Variants in A3GALT2 observed in about 807,000 individuals in gnomAD.
A3GALT2 encodes alpha 1,3-galactosyltransferase 2.
A3GALT2 carries 14 observed loss-of-function variants against 16.6 expected under a neutral mutation model. The ratio of observed to expected loss-of-function variants is 0.84; its 90% CI spans 0.56 to 1.32. The LOEUF (loss-of-function observed/expected upper bound fraction) is 1.32, where lower values mean the gene tolerates loss of function less well. A3GALT2 is among the 40% of genes most tolerant of loss of function. The pLI is 0.00. For synonymous variants in A3GALT2, 253 were observed against 218.0 expected, an observed-to-expected ratio of 1.16 and a Z score of -1.42; for missense variants, 600 against 490.9, an observed-to-expected ratio of 1.22 and a Z score of -2.10.
intron 4 of A3GALT2, among the ~76,000 whole-genome samples, chr1:33,309,443 G>A (rs2148157565): frequency 6.6e-6 from 1 of 150,992 alleles, no homozygotes; most frequent in African/African-American, 2.4e-5. Flanking sequence ...GGCGGGGGCT[G>A]TCCCCCACGT....
rs931293068 is a variant in A3GALT2 at position 33,320,523 on chromosome 1, C to G, written c.23+553G>C. On this transcript the variant is annotated intron_variant, in intron 1 of 4. Coordinates refer to ENST00000442999, the MANE Select transcript of A3GALT2 (RefSeq NM_001080438.1). The surrounding 1 kb of genome is among the most constrained non-coding windows in gnomAD (Gnocchi z 4.3). The stretch of plus-strand genomic sequence containing the variant: ...CCTCCTATGCCCCAGCCTGGGAGCC[C>G]GTGGTCTGTGGAGGCCCCTGATCAG... Among the ~76,000 whole-genome samples, 2 of 152,110 alleles carry G rather than the reference C, an allele frequency of 1.3e-5. No homozygotes were observed. The highest frequency in any genetic ancestry group is 1.3e-4 in the Admixed American group (2 of 15,128).
chr1:33,309,802 C>T (rs1415954915), intron 4 of A3GALT2, among the ~76,000 whole-genome samples: 20 of 150,960 alleles, frequency 1.3e-4, no homozygotes, highest in African/African-American at 1.2e-4. Context: ...CGGGAAGAGG[C>T]GCTCCTCACT....
rs760563986 is a variant in A3GALT2, at chr1:33,307,441, C to G, written c.348G>C (p.Lys116Asn). Reference protein sequence around the residue: ...TIFAVGRYLEKYLERFLETAE... With the variant: ...TIFAVGRYLENYLERFLETAE... ...CCGTCTCCAGGAAGCGCTCCAGGTACTTCTCCAGGTATCTAAGGGCGCGGC... is the reference window on the plus strand; with the variant it reads ...CCGTCTCCAGGAAGCGCTCCAGGTAGTTCTCCAGGTATCTAAGGGCGCGGC... Residue 116 changes from lysine (K) to asparagine (N), a missense_variant, in exon 5 of 5, where the codon AAG (lysine) becomes AAC (asparagine). Physicochemically the swap from Lys to Asn is moderately conservative, Grantham distance 94 (BLOSUM62 0). Transcript: ENST00000442999. 1 of 1,517,670 alleles carries G rather than the reference C, an allele frequency of 6.6e-7. No homozygotes were observed. The highest frequency in any genetic ancestry group is 1.5e-5 in the African/African-American group (1 of 68,812). 94.0% of individuals were successfully genotyped at this position (1,517,670 alleles called of 1,614,324 possible). A position where few individuals can be genotyped will look rare whatever the true frequency, so the allele number is the denominator to read the frequency against.
chr1:33,306,831 G>A lies in A3GALT2; in HGVS notation c.958C>T (p.Arg320Trp), dbSNP rs780979870. 5 of 1,495,006 alleles carry A rather than the reference G, an allele frequency of 3.3e-6. No homozygotes were observed. The highest frequency in any genetic ancestry group is 2.8e-5 in the East Asian group (1 of 35,372). The allele number at this position is 1,495,006 out of a possible 1,614,324, so 92.6% of individuals were successfully genotyped here. A position where few individuals can be genotyped will look rare whatever the true frequency, so the allele number is the denominator to read the frequency against. The change falls in exon 5 of 5, where the codon CGG becomes TGG. Residue 320 changes from arginine (R) to tryptophan (W), a missense_variant. By Grantham distance (101) the Arg-to-Trp change is moderately radical (BLOSUM62 -3). Transcript: ENST00000442999. ...EFCWSPDIGP[R>W]AEIRRPRLLW... ...AGTCGCGGGCGGCGGATCTCGGCCC[G>A]CGGGCCGATGTCCGGGCTCCAGCAG...
intron 4 of A3GALT2, among the ~76,000 whole-genome samples, chr1:33,310,617 A>G (rs1387074451): frequency 6.6e-6 from 1 of 152,180 alleles, no homozygotes; most frequent in Admixed American, 6.5e-5. Flanking sequence ...ACCATTGGTA[A>G]GTGGTTGAGC....
At chr1:33,307,517 A>G (rs1192321275) in intron 4 of A3GALT2, 64 bp from the exon 5 acceptor site, 1 of 1,222,458 alleles carries the variant, frequency 8.2e-7, no homozygotes, top group African/African-American at 2.1e-5. Context: ...TCCCCACCTC[A>G]TCTCACCTCT....
intron 2 of A3GALT2, 98 bp from the exon 3 acceptor site, chr1:33,312,688 C>T (rs1005429723): frequency 1.4e-6 from 2 of 1,441,378 alleles, no homozygotes; most frequent in African/African-American, 2.8e-5. Context: ...AGAGAGAGCT[C>T]ACAAGGACAC....
intron 1 of A3GALT2, chr1:33,313,947 C>T (rs1041394368): frequency 7.9e-5 from 12 of 152,154 alleles, no homozygotes; most frequent in African/African-American, 2.9e-4. Flanking sequence ...CTAGTGATGA[C>T]CATTCTTCCT....
rs767147389 is a variant in A3GALT2, at chr1:33,312,119, C to G, written c.268G>C (p.Asp90His). 4.3e-6 allele frequency: 7 copies of G among 1,613,694 alleles called. No individual in the cohort carries two copies. Among genetic ancestry groups the G allele is most frequent in the Non-Finnish European group, 5.9e-6 (7 of 1,179,830 alleles). ...PIIWDGSFDP[D>H]VAKQEARQQN... ...TGTCTAGCCTCTTGCTTGGCCACAT[C>G]TGGGTCGAAAGAGCCATCCCAAATA... Residue 90 changes from aspartate to histidine, a missense_variant, in exon 4 of 5, where the codon GAT (aspartate) becomes CAT (histidine). Asp to His is a moderately conservative substitution (Grantham distance 81). Coordinates refer to ENST00000442999, the MANE Select transcript of A3GALT2 (RefSeq NM_001080438.1).
intron 4 of A3GALT2, among the ~76,000 whole-genome samples, chr1:33,310,060 G>A (rs1034757112): frequency 7.9e-5 from 12 of 152,276 alleles, no homozygotes; most frequent in Non-Finnish European, 1.8e-4. Flanking sequence ...CCGGCACCTC[G>A]GGAGGCCGAG....
rs1224628503 is a variant in A3GALT2 at position 33,320,744 on chromosome 1, G to A, written c.23+332C>T. Among the ~76,000 whole-genome samples the A allele has an allele frequency of 1.3e-5, 2 of 152,010 alleles. No homozygotes were observed. The highest frequency in any genetic ancestry group is 2.4e-5 in the African/African-American group (1 of 41,446). On this transcript the variant is annotated intron_variant, in intron 1 of 4. Transcript: ENST00000442999. The surrounding 1 kb of genome is among the most constrained non-coding windows in gnomAD (Gnocchi z 4.3). ...ATAGAGGGAGCTCTCAGTTACAGTC[G>A]GGGAGGGAATGTACCCCCGGGTCTC...
At chr1:33,319,991 C>T (rs868035987) in intron 1 of A3GALT2, among the ~76,000 whole-genome samples, 19 of 151,994 alleles carry the variant, frequency 1.3e-4, no homozygotes, top group African/African-American at 4.1e-4. Context: ...TAGGACTGCC[C>T]GATCCCCCAG....
chr1:33,315,148 G>T (rs1358482539), intron 1 of A3GALT2, among the ~76,000 whole-genome samples: 1 of 152,164 alleles, frequency 6.6e-6, no homozygotes, highest in Non-Finnish European at 1.5e-5. Context: ...ACTTTGGGAG[G>T]CCGAGCGGGT....
chr1:33,309,234 G>C (rs1293823828), intron 4 of A3GALT2, among the ~76,000 whole-genome samples: 4 of 152,078 alleles, frequency 2.6e-5, no homozygotes, highest in African/African-American at 9.7e-5. Flanking sequence ...TTTTCTATTC[G>C]ACAAAACCAC....
Position 33,312,624 on chromosome 1 carries a change from C to G in A3GALT2, c.108-34G>C, listed in dbSNP as rs75640182. On this transcript the variant is annotated intron_variant, in intron 2 of 4. Transcript: ENST00000442999. ...GGTTGAGGGGCGGGGGGCAGGCAGC[C>G]GTGAGAAGCATGTCAGCCTGGCCAG... 2.3e-3 allele frequency: 3,591 copies of G among 1,535,118 alleles called. 131 individuals are homozygous for G. In the East Asian group the frequency reaches 0.066, roughly 28 times the overall value.
In A3GALT2 at chr1:33,307,054, C is replaced by A. The variant is rs1218605405; in HGVS notation, c.735G>T (p.Ala245=). Residue 245 remains alanine, a synonymous_variant, in exon 5 of 5, where the codon GCG becomes GCT. Transcript: ENST00000442999. ...GGTTATAGAAGTCGCCCTGGCCCCACGCCATCGCGGCGGCCGAATGCGCGT... is the reference window on the plus strand; with the variant it reads ...GGTTATAGAAGTCGCCCTGGCCCCAAGCCATCGCGGCGGCCGAATGCGCGT... ...ERDAHSAAAM[A]WGQGDFYNHA... The A allele has an allele frequency of 3.3e-6, 5 of 1,512,550 alleles. No individual in the cohort carries two copies. Among genetic ancestry groups the A allele is most frequent in the Non-Finnish European group, 2.6e-6 (3 of 1,133,788 alleles). The allele number at this position is 1,512,550 out of a possible 1,614,324, so 93.7% of individuals were successfully genotyped here.
At chr1:33,311,592 A>G (rs1356999717) in intron 4 of A3GALT2, among the ~76,000 whole-genome samples, 1 of 151,914 alleles carries the variant, frequency 6.6e-6, no homozygotes, top group Non-Finnish European at 1.5e-5. Context: ...CTCTCCCTTC[A>G]TCAGACTTGC....
rs745429468 is a variant in A3GALT2 at position 33,307,246 on chromosome 1, G to C, written c.543C>G (p.His181Gln). Residue 181 changes from histidine (H) to glutamine (Q), a missense_variant, in exon 5 of 5, where the codon CAC becomes CAG. By Grantham distance (24) the His-to-Gln change is conservative. Coordinates refer to ENST00000442999, the MANE Select transcript of A3GALT2 (RefSeq NM_001080438.1). ...DVSMARMRTL[H>Q]AALGGLPGRE... ...GGCCCGGCAGCCCGCCCAGCGCCGC[G>C]TGCAACGTGCGCATGCGCGCCATCG... is the stretch of plus-strand genomic sequence containing the variant. The C allele has an allele frequency of 9.5e-5, 140 of 1,479,398 alleles. No individual in the cohort carries two copies. Among genetic ancestry groups the C allele is most frequent in the Non-Finnish European group, 1.2e-4 (135 of 1,116,414 alleles). The allele number at this position is 1,479,398 out of a possible 1,614,324, so 91.6% of individuals were successfully genotyped here.
intron 3 of A3GALT2, 101 bp downstream of exon 3, chr1:33,312,400 G>C (rs1328760010): frequency 1.3e-5 from 17 of 1,329,254 alleles, no homozygotes; most frequent in Non-Finnish European, 3.1e-6. Context: ...CAGAGTGCCT[G>C]GCTCTGCTGG....
Sources: allele counts gnomAD v4.1 joint callset (sites outside exome capture counted in the v4.1 genomes callset), GRCh38; gene constraint gnomAD v4.1.1; non-coding constraint Gnocchi (gnomAD v3.1); transcripts MANE v1.5; gene names NCBI Gene and HGNC (gene_info 2026-07-23, HGNC 2026-07-21).